The following FREM3 variants were observed in gnomAD, a reference collection of about 807,000 sequenced individuals.
FREM3 encodes the protein FRAS1-related extracellular matrix protein 3.
Under a neutral mutation model 129.1 loss-of-function variants are expected in FREM3, and 105 were observed. The ratio of observed to expected loss-of-function variants is 0.81; its 90% CI spans 0.69 to 0.96. The LOEUF is 0.96. FREM3 is among the 40% of genes least tolerant of loss of function. The pLI is 0.00. For synonymous variants in FREM3, 1,014 were observed against 1,044.9 expected (o/e 0.97, Z 0.57); for missense variants, 2,593 against 2,666.3 (o/e 0.97, Z 0.61).
Position 143,700,208 on chromosome 4 carries a change from GA to G in FREM3, c.467del (p.Phe156SerfsTer15). ...DAPTHTLVLP[F>X]TLAVDLVFSQ... is the part of the protein sequence containing the mutation. ...AGAAGACCAAGTCCACCGCCAGCGT[GA>G]AGGGCAGCACCAGAGTGTGAGTCGG... On this transcript the variant is annotated frameshift_variant, in exon 1 of 8. Transcript: ENST00000329798. LOFTEE classifies it high-confidence loss of function. The G allele has an allele frequency of 6.5e-7, 1 of 1,536,998 alleles. No homozygotes were observed. The highest frequency in any genetic ancestry group is 8.7e-7 in the Non-Finnish European group (1 of 1,146,904).
chr4:143,588,456 A>C (rs1560835071), intron 6 of FREM3, among the ~76,000 whole-genome samples: 1 of 136,884 alleles, frequency 7.3e-6, no homozygotes, highest in Non-Finnish European at 1.5e-5. Flanking sequence ...ATGTGTTCTC[A>C]TTGTTCAATT....
intron 3 of FREM3, among the ~76,000 whole-genome samples, chr4:143,625,930 C>T (rs757564931): frequency 1.3e-5 from 2 of 152,168 alleles, no homozygotes; most frequent in African/African-American, 4.8e-5. Flanking sequence ...TCAAACACAT[C>T]GTGAGATGGA....
chr4:143,697,797 A>T lies in FREM3; in HGVS notation c.2879T>A (p.Leu960Gln). The change falls in exon 1 of 8, where the codon CTA (leucine) becomes CAA (glutamine). Residue 960 changes from leucine to glutamine, a missense_variant. By Grantham distance (113) the Leu-to-Gln change is moderately radical. This residue lies in a region of FREM3 where 2,276 missense variants were observed against 2,267.2 expected (regional missense o/e 1.00). Transcript: ENST00000329798. ...SSLLDVSIDV[L>Q]ENKATEITMG... ...GGTAATTTCAGTGGCTTTATTCTCTAGTACGTCTATAGAAACATCCAATAA... is the reference window on the plus strand; with the variant it reads ...GGTAATTTCAGTGGCTTTATTCTCTTGTACGTCTATAGAAACATCCAATAA... 6.5e-7 allele frequency: 1 copy of T among 1,537,580 alleles called. No homozygotes were observed. Among genetic ancestry groups the T allele is most frequent in the Non-Finnish European group, 8.7e-7 (1 of 1,146,994 alleles).
Position 143,700,174 on chromosome 4 carries a change from C to G in FREM3, c.502G>C (p.Glu168Gln), listed in dbSNP as rs751853586. The G allele has an allele frequency of 1.3e-6, 2 of 1,537,030 alleles. No homozygotes were observed. The change falls in exon 1 of 8, where the codon GAG becomes CAG. Residue 168 changes from glutamate to glutamine, a missense_variant. Glu to Gln is a conservative substitution (Grantham distance 29, BLOSUM62 2). Coordinates refer to ENST00000329798, the MANE Select transcript of FREM3 (RefSeq NM_001168235.2). ...AAAGGCCTGTTACGCGTCACCAGCT[C>G]CAGCTGGGAGAAGACCAAGTCCACC... ...LAVDLVFSQL[E>Q]LVTRNRPLVV...
chr4:143,594,990 A>G (rs1278413473), intron 6 of FREM3, among the ~76,000 whole-genome samples: 3 of 152,228 alleles, frequency 2.0e-5, no homozygotes, highest in East Asian at 1.9e-4. Flanking sequence ...ATGTGTTTTA[A>G]TCTCCTTTAA....
intron 2 of FREM3, among the ~76,000 whole-genome samples, chr4:143,638,685 G>A (rs1345659457): frequency 4.6e-5 from 7 of 151,992 alleles, no homozygotes; most frequent in Admixed American, 4.6e-4. Context: ...CTATGCTCTA[G>A]GGCCAGGGAC....
At chr4:143,581,324 T>TAC (rs1398125410) in intron 7 of FREM3, among the ~76,000 whole-genome samples, 14 of 152,200 alleles carry the variant, frequency 9.2e-5, no homozygotes, top group Admixed American at 2.6e-4. Context: ...GCTGCAGTGG[T>TAC]ACTGCCCTTA....
intron 3 of FREM3, 97 bp from the exon 4 acceptor site, chr4:143,624,435 A>C (rs1739010364): frequency 1.4e-6 from 1 of 713,916 alleles, no homozygotes; most frequent in East Asian, 2.7e-5. Flanking sequence ...AGTAGATAAC[A>C]TAGAAATTGT....
intron 1 of FREM3, 114 bp downstream of exon 1, chr4:143,695,377 T>C: frequency 1.1e-6 from 1 of 907,000 alleles, no homozygotes; most frequent in Non-Finnish European, 1.6e-6. Flanking sequence ...TGTATTTTAT[T>C]AGAACAAGAA....
chr4:143,673,266 T>C (rs1278961643), intron 2 of FREM3, among the ~76,000 whole-genome samples: 1 of 152,128 alleles, frequency 6.6e-6, no homozygotes, highest in Non-Finnish European at 1.5e-5. Context: ...ACAGACGGGG[T>C]TTTGGTGTGG....
At chr4:143,684,462 AC>A (rs1351103274) in intron 2 of FREM3, among the ~76,000 whole-genome samples, 1 of 152,248 alleles carries the variant, frequency 6.6e-6, no homozygotes, top group African/African-American at 2.4e-5. Flanking sequence ...GGCAGAGAGT[AC>A]TACATCAAGG....
chr4:143,603,599 A>G (rs1497613), intron 6 of FREM3, among the ~76,000 whole-genome samples: 51,124 of 152,004 alleles, frequency 0.34, 9,912 homozygotes, highest in South Asian at 0.44. Flanking sequence ...ACTTAATGTA[A>G]ATATGTTGAT....
chr4:143,699,781 C>T lies in FREM3; in HGVS notation c.895G>A (p.Gly299Arg), dbSNP rs765394388. 2.5e-5 allele frequency: 39 copies of T among 1,534,644 alleles called. 1 individual carries two copies. Among genetic ancestry groups the T allele is most frequent in the South Asian group, 4.8e-5 (4 of 83,766 alleles). ...HFQLLVRIRG[G>R]AENTPPRPSF... is the part of the protein sequence containing the mutation. ...GGCCTGGGCGGTGTGTTCTCGGCTC[C>T]GCCGCGGATCCTCACGAGCAGCTGG... Residue 299 changes from glycine to arginine, a missense_variant, in exon 1 of 8, where the codon GGA (glycine) becomes AGA (arginine). Coordinates refer to ENST00000329798, the MANE Select transcript of FREM3 (RefSeq NM_001168235.2). The surrounding 1 kb of genome is among the most constrained non-coding windows in gnomAD (Gnocchi z 4.2).
chr4:143,674,427 C>T (rs1740066798), intron 2 of FREM3, among the ~76,000 whole-genome samples: 1 of 152,204 alleles, frequency 6.6e-6, no homozygotes, highest in South Asian at 2.1e-4. Flanking sequence ...GTACCAGCCA[C>T]TGCAAAAACA....
chr4:143,638,772 G>C (rs1484594422), intron 2 of FREM3, among the ~76,000 whole-genome samples: 3 of 152,036 alleles, frequency 2.0e-5, no homozygotes, highest in African/African-American at 7.3e-5. Context: ...TATCATTATT[G>C]AGAAGACACA....
At chr4:143,630,581 T>G (rs909528449) in intron 2 of FREM3, among the ~76,000 whole-genome samples, 8 of 152,188 alleles carry the variant, frequency 5.3e-5, no homozygotes, top group African/African-American at 1.9e-4. Context: ...TCTTCAAGCA[T>G]GAGCTCCTTA....
chr4:143,616,371 A>G (rs769254950), intron 5 of FREM3, among the ~76,000 whole-genome samples: 11 of 152,224 alleles, frequency 7.2e-5, no homozygotes, highest in Non-Finnish European at 1.5e-4. Flanking sequence ...CTGAGATGCA[A>G]AGTTTAACTT....
At position 143,699,692 on chromosome 4, in the gene FREM3, G is replaced by A. The variant is rs1013383655; in HGVS notation, c.984C>T (p.Asp328=). The change falls in exon 1 of 8, where the codon GAC becomes GAT. Residue 328 remains aspartate, a synonymous_variant. Coordinates refer to ENST00000329798, the MANE Select transcript of FREM3 (RefSeq NM_001168235.2). This position sits in a 1 kb window ranked among gnomAD's most constrained non-coding sequence, Gnocchi z 4.2. ...ACTCGACGTCCTCCGCGGCCAGTGCGTCAGGCGTCAGGGCTGTCAGCACCA... is the reference window on the plus strand; with the variant it reads ...ACTCGACGTCCTCCGCGGCCAGTGCATCAGGCGTCAGGGCTGTCAGCACCA... ...DPLVLTALTP[D]ALAAEDVESD... The A allele has an allele frequency of 2.0e-6, 3 of 1,523,744 alleles. No homozygotes were observed. The highest frequency in any genetic ancestry group is 2.5e-5 in the East Asian group (1 of 40,784). The allele number at this position is 1,523,744 out of a possible 1,614,324, so 94.4% of individuals were successfully genotyped here.
chr4:143,607,357 G>A (rs905719063), intron 6 of FREM3, among the ~76,000 whole-genome samples: 2 of 152,050 alleles, frequency 1.3e-5, no homozygotes, highest in Non-Finnish European at 2.9e-5. Context: ...AGCACAAATG[G>A]TACTTTTTAA....
Sources: gnomAD v4.1 joint callset for allele counts (sites outside exome capture counted in the v4.1 genomes callset) on GRCh38, gnomAD v4.1.1 for gene constraint, gnomAD v4.1.1 regional missense constraint, Gnocchi (gnomAD v3.1) non-coding constraint, MANE v1.5 for transcripts, NCBI Gene and HGNC (gene_info 2026-07-23, HGNC 2026-07-21) for gene names.